Variants in SOX5 observed in about 807,000 individuals in gnomAD.
The protein encoded by SOX5 is SRY-box transcription factor 5, also known as transcription factor SOX-5.
SOX5 carries 9 observed loss-of-function variants against 92.0 expected under a neutral mutation model. The observed-to-expected ratio is 0.10, with a 90% CI of 0.06 to 0.17. The LOEUF (loss-of-function observed/expected upper bound fraction) is 0.17, where lower values mean the gene tolerates loss of function less well. SOX5 is among the 10% of genes least tolerant of loss of function. SOX5 has a pLI of 1.00. For missense variants in SOX5, 642 were observed against 944.5 expected, an observed-to-expected ratio of 0.68 and a Z score of 4.20; for synonymous variants, 344 against 336.3, an observed-to-expected ratio of 1.02 and a Z score of -0.25.
At chr12:23,992,347 T>C (rs1950642246) in intron 4 of SOX5, among the ~76,000 whole-genome samples, 1 of 152,182 alleles carries the variant, frequency 6.6e-6, no homozygotes, top group Non-Finnish European at 1.5e-5. Context: ...AAAAGATTGC[T>C]TCCCTAATCA....
intron 4 of SOX5, among the ~76,000 whole-genome samples, chr12:24,067,358 G>A: frequency 6.6e-6 from 1 of 152,116 alleles, no homozygotes; most frequent in East Asian, 1.9e-4. Context: ...AACAGCATTA[G>A]TACCAAGGGT....
chr12:23,750,003 G>A (rs539339840), intron 4 of SOX5, among the ~76,000 whole-genome samples: 1 of 151,920 alleles, frequency 6.6e-6, no homozygotes, highest in East Asian at 1.9e-4. Flanking sequence ...TAAGGACGGA[G>A]TATCTTGGAT....
At chr12:24,161,857 G>A (rs534910622) in intron 4 of SOX5, among the ~76,000 whole-genome samples, 5 of 152,152 alleles carry the variant, frequency 3.3e-5, no homozygotes, top group Admixed American at 2.6e-4. Context: ...CCCAAAGTGT[G>A]TACATACACT....
At chr12:24,365,623 C>T (rs557861531) in intron 2 of SOX5, among the ~76,000 whole-genome samples, 1 of 147,970 alleles carries the variant, frequency 6.8e-6, no homozygotes, top group East Asian at 2.0e-4. Context: ...CTAATCTGCA[C>T]AAAATTTGAT....
chr12:24,263,545 A>C (rs900780272), intron 3 of SOX5, among the ~76,000 whole-genome samples: 12 of 149,208 alleles, frequency 8.0e-5, no homozygotes, highest in African/African-American at 2.7e-4. Flanking sequence ...AAAAAACAAA[A>C]AAAAAAACAA....
chr12:24,237,724 A>G (rs1964787441), intron 3 of SOX5: 2 of 152,148 alleles, frequency 1.3e-5, no homozygotes, highest in Admixed American at 6.6e-5. Flanking sequence ...TATTTTATTT[A>G]ATTACTTATT....
At chr12:24,404,303 A>G (rs1012729259) in intron 1 of SOX5, among the ~76,000 whole-genome samples, 3 of 152,222 alleles carry the variant, frequency 2.0e-5, no homozygotes, top group Non-Finnish European at 4.4e-5. Flanking sequence ...CACCAAAAAA[A>G]TGCAAACCAC....
intron 2 of SOX5, among the ~76,000 whole-genome samples, chr12:24,364,511 C>CATATATAT (rs58135899): frequency 0.052 from 5,678 of 110,056 alleles, 195 homozygotes; most frequent in Middle Eastern, 0.071. Flanking sequence ...AACATTTTTT[C>CATATATAT]ATATATATAT....
Position 24,448,512 on chromosome 12 carries a change from A to G in SOX5, c.-250-79873T>C, listed in dbSNP as rs138346723. On this transcript the variant is annotated intron_variant, in intron 1 of 4. Coordinates refer to the SOX5 transcript ENST00000446891. ...GATATTACCCACGGTGTTGTAGAGG[A>G]GACAAGTATTTGAACTACAGGGGAC... 2.4e-3 allele frequency among the ~76,000 whole-genome samples: 370 copies of G among 152,336 alleles called. 4 individuals are homozygous for G. The highest frequency in any genetic ancestry group is 8.4e-3 in the African/African-American group (348 of 41,576).
At chr12:24,068,704 G>GTGTGTGTGTGTGTGTGTATA (rs1444359956) in intron 4 of SOX5, among the ~76,000 whole-genome samples, 4 of 74,314 alleles carry the variant, frequency 5.4e-5, no homozygotes, top group Non-Finnish European at 9.7e-5. Flanking sequence ...GTGTGTGTGT[G>GTGTGTGTGTGTGTGTGTATA]TATATATATA....
At chr12:23,685,374 C>A (rs970659143) in intron 6 of SOX5, among the ~76,000 whole-genome samples, 1 of 150,948 alleles carries the variant, frequency 6.6e-6, no homozygotes, top group Admixed American at 6.6e-5. Context: ...TCTCTGAAAA[C>A]CAGAAAAGAG....
intron 4 of SOX5, among the ~76,000 whole-genome samples, chr12:24,082,094 A>C (rs1387907029): frequency 6.6e-6 from 1 of 151,848 alleles, no homozygotes; most frequent in Non-Finnish European, 1.5e-5. Context: ...CTGACTTGCT[A>C]TTTTCGAGCA....
intron 1 of SOX5, among the ~76,000 whole-genome samples, chr12:24,415,292 T>C (rs1964834386): frequency 6.6e-6 from 1 of 152,240 alleles, no homozygotes; most frequent in African/African-American, 2.4e-5. Context: ...ATCCATCTTT[T>C]GTTGTTAATA....
chr12:24,295,627 A>C (rs1035368858), intron 2 of SOX5, among the ~76,000 whole-genome samples: 1 of 152,176 alleles, frequency 6.6e-6, no homozygotes, highest in Non-Finnish European at 1.5e-5. Flanking sequence ...TCAGTGGTAC[A>C]ATCTTGGCTC....
chr12:23,706,738 T>C (rs545250278), intron 6 of SOX5, among the ~76,000 whole-genome samples: 1 of 152,148 alleles, frequency 6.6e-6, no homozygotes, highest in South Asian at 2.1e-4. Flanking sequence ...TTCTCTATTT[T>C]AAAACCTTAA....
intron 3 of SOX5, among the ~76,000 whole-genome samples, chr12:23,817,371 A>G (rs2096015230): frequency 6.6e-6 from 1 of 152,250 alleles, no homozygotes; most frequent in South Asian, 2.1e-4. Flanking sequence ...TGGATAGAGG[A>G]AAATCATACA....
chr12:24,331,453 G>T (rs1565921267), intron 2 of SOX5: 1 of 152,136 alleles, frequency 6.6e-6, no homozygotes, highest in Non-Finnish European at 1.5e-5. Context: ...TAGAAAGGAA[G>T]AGATATTTAA....
At chr12:24,386,265 A>G (rs1050237107) in intron 1 of SOX5, among the ~76,000 whole-genome samples, 1 of 152,142 alleles carries the variant, frequency 6.6e-6, no homozygotes, top group Non-Finnish European at 1.5e-5. Flanking sequence ...ATTAACTTTG[A>G]TAATTGCCTG....
At chr12:23,774,321 G>A (rs1594288309) in intron 3 of SOX5, among the ~76,000 whole-genome samples, 1 of 152,192 alleles carries the variant, frequency 6.6e-6, no homozygotes, top group East Asian at 1.9e-4. Context: ...AAGAATAAAA[G>A]CTAAGAAAAA....
Sources: gnomAD v4.1 joint callset for allele counts (sites outside exome capture counted in the v4.1 genomes callset) on GRCh38, gnomAD v4.1.1 for gene constraint, MANE v1.5 for transcripts, NCBI Gene and HGNC (gene_info 2026-07-23, HGNC 2026-07-21) for gene names.